The following GFI1B variants were observed in gnomAD, a reference collection of about 807,000 sequenced individuals.
The protein encoded by GFI1B is zinc finger protein Gfi-1b.
GFI1B carries 20 observed loss-of-function variants against 35.3 expected under a neutral mutation model. The ratio of observed to expected loss-of-function variants is 0.57; its 90% CI spans 0.40 to 0.82. The LOEUF (loss-of-function observed/expected upper bound fraction) is 0.82. GFI1B is among the 40% of genes least tolerant of loss of function. The probability of loss-of-function intolerance (pLI) is 0.00; values close to 1 mark genes in which losing one functional copy is unlikely to be tolerated. For missense variants in GFI1B, 430 were observed against 446.3 expected (o/e 0.96, Z 0.33); for synonymous variants, 178 against 177.6 (o/e 1.00, Z -0.02).
chr9:132,952,342 C>T (rs1848214283), intron 1 of GFI1B: 1 of 152,010 alleles, frequency 6.6e-6, no homozygotes, highest in South Asian at 2.1e-4. Context: ...CTGAGATGAA[C>T]TCTTGCTCTG....
chr9:132,970,265 G>A (rs1487244952), intron 1 of GFI1B, among the ~76,000 whole-genome samples: 1 of 152,116 alleles, frequency 6.6e-6, no homozygotes, highest in Non-Finnish European at 1.5e-5. Flanking sequence ...CCAGACAGGA[G>A]ACAGGGCCTC....
At chr9:132,954,136 C>T (rs1848245564) in intron 1 of GFI1B, among the ~76,000 whole-genome samples, 1 of 152,040 alleles carries the variant, frequency 6.6e-6, no homozygotes, top group Non-Finnish European at 1.5e-5. Flanking sequence ...GTCACCAAGG[C>T]TAGAATGCAG....
chr9:132,985,143 A>G (rs1225539714), intron 1 of GFI1B, among the ~76,000 whole-genome samples: 1 of 152,144 alleles, frequency 6.6e-6, no homozygotes, highest in Non-Finnish European at 1.5e-5. Context: ...GGGGGCAGAA[A>G]GGATAGAGGA....
At chr9:132,951,950 G>A (rs1050229052) in intron 1 of GFI1B, 2 of 151,786 alleles carry the variant, frequency 1.3e-5, no homozygotes, top group African/African-American at 4.8e-5. Flanking sequence ...TTTATTTTTT[G>A]TAGAAGTGGG....
intron 1 of GFI1B, among the ~76,000 whole-genome samples, chr9:132,965,407 T>G (rs964579187): frequency 6.6e-6 from 1 of 152,224 alleles, no homozygotes; most frequent in African/African-American, 2.4e-5. Flanking sequence ...TGACAAAATT[T>G]GAGGAAACCG....
chr9:132,970,429 A>ACACGCACGCATGCACGCACG (rs1397602395), intron 1 of GFI1B, among the ~76,000 whole-genome samples: 4 of 152,132 alleles, frequency 2.6e-5, no homozygotes, highest in African/African-American at 9.7e-5. Context: ...TAATGAACAC[A>ACACGCACGCATGCACGCACG]CACGCACGCA....
At chr9:132,954,723 A>ATT (rs543352177) in intron 1 of GFI1B, among the ~76,000 whole-genome samples, 2 of 145,250 alleles carry the variant, frequency 1.4e-5, no homozygotes, top group African/African-American at 2.5e-5. Context: ...CATCTGGCCA[A>ATT]TTTTTTTTTT....
At position 132,986,316 on chromosome 9, in the gene GFI1B, C is replaced by T. The variant is rs534640626; in HGVS notation, c.-20-343C>T. Among the ~76,000 whole-genome samples, 12 of 152,206 alleles carry T rather than the reference C, an allele frequency of 7.9e-5. No individual in the cohort carries two copies. In the South Asian group the frequency reaches 2.5e-3, roughly 32 times the overall value. Reference sequence around the variant, plus strand: ...GGCTGTCGGCACTGCCTGGCATTCTCTGGCTGATAGAAGTGTCACTCTCTG... The same window carrying T: ...GGCTGTCGGCACTGCCTGGCATTCTTTGGCTGATAGAAGTGTCACTCTCTG... On this transcript the variant is annotated intron_variant, in intron 1 of 6. Coordinates refer to ENST00000372122, the MANE Select transcript of GFI1B (RefSeq NM_001377304.1).
At chr9:132,964,512 G>A (rs933267966) in intron 1 of GFI1B, among the ~76,000 whole-genome samples, 13 of 152,082 alleles carry the variant, frequency 8.5e-5, no homozygotes, top group East Asian at 3.9e-4. Flanking sequence ...AAGAAGAGCC[G>A]GGGAAGGCCA....
chr9:132,958,251 G>T (rs1848312691), intron 1 of GFI1B, among the ~76,000 whole-genome samples: 1 of 152,166 alleles, frequency 6.6e-6, no homozygotes. Context: ...GGTAAGACGG[G>T]AGATAGAGGA....
At chr9:132,987,911 C>G (rs1373894597) in intron 3 of GFI1B, among the ~76,000 whole-genome samples, 1 of 152,184 alleles carries the variant, frequency 6.6e-6, no homozygotes, top group African/African-American at 2.4e-5. Context: ...GTGGCACGAT[C>G]TCAACTCACT....
chr9:132,974,980 C>T (rs1192085134), upstream of GFI1B: 2 of 151,934 alleles, frequency 1.3e-5, no homozygotes. Flanking sequence ...AATTGTGTTT[C>T]TGTACTGGGC....
At chr9:132,964,538 C>G (rs1207762306) in intron 1 of GFI1B, among the ~76,000 whole-genome samples, 1 of 152,122 alleles carries the variant, frequency 6.6e-6, no homozygotes, top group African/African-American at 2.4e-5. Context: ...GGCGGGTTCT[C>G]ATGCATCAAT....
intron 1 of GFI1B, among the ~76,000 whole-genome samples, chr9:132,946,140 G>A (rs994232733): frequency 6.6e-6 from 1 of 152,176 alleles, no homozygotes; most frequent in East Asian, 1.9e-4. Flanking sequence ...ATAACCATAC[G>A]TCTAGAGCCA....
At chr9:132,967,937 C>T (rs1253592717) in intron 1 of GFI1B, among the ~76,000 whole-genome samples, 1 of 151,968 alleles carries the variant, frequency 6.6e-6, no homozygotes, top group African/African-American at 2.4e-5. Context: ...TGTGCCACCA[C>T]GCCCGGCTAA....
chr9:132,956,241 A>T (rs1189130419), intron 1 of GFI1B, among the ~76,000 whole-genome samples: 2 of 152,082 alleles, frequency 1.3e-5, no homozygotes, highest in Admixed American at 1.3e-4. Context: ...TGTAAGGTAA[A>T]ACTTTCTTCT....
At chr9:132,978,573 AGTTTT>A (rs1243834462), upstream of GFI1B, 1 of 152,214 alleles carries the variant, frequency 6.6e-6, no homozygotes, top group African/African-American at 2.4e-5. Context: ...TGTCCTGGAA[AGTTTT>A]GATAAGCAAA....
chr9:132,974,325 C>T (rs995310296), upstream of GFI1B, among the ~76,000 whole-genome samples: 6 of 152,020 alleles, frequency 3.9e-5, no homozygotes, highest in East Asian at 3.9e-4. Context: ...TGGCCAGGCG[C>T]GGTGGCTCAC....
At chr9:132,964,472 TTTTC>T (rs1564525788) in intron 1 of GFI1B, among the ~76,000 whole-genome samples, 12 of 151,840 alleles carry the variant, frequency 7.9e-5, no homozygotes, top group African/African-American at 2.9e-4. Context: ...TCTGAATCAA[TTTTC>T]AGCCACTTGT....
Sources: allele counts gnomAD v4.1 joint callset (sites outside exome capture counted in the v4.1 genomes callset), GRCh38; gene constraint gnomAD v4.1.1; transcripts MANE v1.5; gene names NCBI Gene and HGNC (gene_info 2026-07-23, HGNC 2026-07-21).